ZMAT1: variants seen among roughly 807,000 people sequenced by gnomAD.
The protein encoded by ZMAT1 is zinc finger matrin-type 1.
In ZMAT1, 11 loss-of-function variants were observed where a neutral mutation model predicts 18.5. The observed-to-expected ratio is 0.59, with a 90% CI of 0.37 to 0.98. ZMAT1 has a LOEUF of 0.98. Among genes scored for constraint, ZMAT1 ranks in the 50% least tolerant of loss-of-function variants. The probability of loss-of-function intolerance (pLI) is 0.01; values close to 1 mark genes in which losing one functional copy is unlikely to be tolerated. For synonymous variants in ZMAT1, 211 were observed against 176.4 expected, an observed-to-expected ratio of 1.20 and a Z score of -1.55; for missense variants, 525 against 496.2, an observed-to-expected ratio of 1.06 and a Z score of -0.55.
intron 4 of ZMAT1, among the ~76,000 whole-genome samples, chrX:101,895,539 T>C (rs1927735799): frequency 9.0e-6 from 1 of 111,632 alleles, no homozygotes; most frequent in Non-Finnish European, 1.9e-5. Context: ...AGCTAGTATG[T>C]TTTATAAAAC....
rs1930526356 is a variant in ZMAT1, at chrX:101,931,863, G to A, written c.146C>T (p.Ala49Val). 15 of 797,775 alleles carry A rather than the reference G, an allele frequency of 1.9e-5. No homozygotes were observed. The highest frequency in any genetic ancestry group is 2.2e-5 in the Non-Finnish European group (15 of 671,001). The allele number at this position is 797,775 out of a possible 1,213,427, so 65.7% of individuals were successfully genotyped here. Residue 49 changes from alanine (A) to valine (V), a missense_variant, in exon 1 of 6, where the codon GCC becomes GTC. Physicochemically the swap from Ala to Val is moderately conservative, Grantham distance 64. Transcript: ENST00000651725. ...AAAAAAVIVPASSATSAPACP... is the reference protein window; with the variant it reads ...AAAAAAVIVPVSSATSAPACP... ...GGCAGGGGCGGAGGTGGCGGAGGAGGCAGGAACAATTACTGCCGCCGCCGC... is the reference window on the plus strand; with the variant it reads ...GGCAGGGGCGGAGGTGGCGGAGGAGACAGGAACAATTACTGCCGCCGCCGC...
chrX:101,898,156 G>A lies in ZMAT1; in HGVS notation c.464C>T (p.Pro155Leu), dbSNP rs769324501. 8.3e-7 allele frequency: 1 copy of A among 1,210,712 alleles called. No individual in the cohort carries two copies. Among genetic ancestry groups the A allele is most frequent in the Non-Finnish European group, 1.1e-6 (1 of 895,017 alleles). The change falls in exon 3 of 6, where the codon CCT becomes CTT. Residue 155 changes from proline (P) to leucine (L), a missense_variant. Pro to Leu is a moderately conservative substitution (Grantham distance 98). Coordinates refer to ENST00000651725, the MANE Select transcript of ZMAT1 (RefSeq NM_001394560.1). ...FQMHGEQNEV[P>L]GKKMKMHVEN... ...AACATGCATCTTCATTTTCTTACCA[G>A]GCACTTCATTTTGTTCCCCATGCAT... is the stretch of plus-strand genomic sequence containing the variant.
Position 101,884,207 on chromosome X carries a change from C to A in ZMAT1, c.1391G>T (p.Gly464Val). Residue 464 changes from glycine (G) to valine (V), a missense_variant, in exon 6 of 6, where the codon GGA (glycine) becomes GTA (valine). Physicochemically the swap from Gly to Val is moderately radical, Grantham distance 109. Coordinates refer to ENST00000651725, the MANE Select transcript of ZMAT1 (RefSeq NM_001394560.1). ...EDYIKVQKARGLEPKTCFRKI... is the reference protein window; with the variant it reads ...EDYIKVQKARVLEPKTCFRKI... The stretch of plus-strand genomic sequence containing the variant: ...TCTGAAACAAGTTTTTGGCTCTAGT[C>A]CTCTGGCTTTCTGCACTTTTATGTA... 1 of 1,211,317 alleles carries A rather than the reference C, an allele frequency of 8.3e-7. No homozygotes were observed. The highest frequency in any genetic ancestry group is 1.1e-6 in the Non-Finnish European group (1 of 895,237).
At chrX:101,909,929 T>C (rs924144322) in intron 1 of ZMAT1, among the ~76,000 whole-genome samples, 1 of 111,771 alleles carries the variant, frequency 8.9e-6, no homozygotes, top group African/African-American at 3.3e-5. Context: ...TGAGAAAACA[T>C]AGGCAGTAGT....
chrX:101,895,268 T>C (rs1312647062), intron 4 of ZMAT1, among the ~76,000 whole-genome samples: 2 of 111,157 alleles, frequency 1.8e-5, no homozygotes, highest in Non-Finnish European at 3.8e-5. Context: ...TTAGTAAGAA[T>C]GATATAACCA....
At position 101,886,674 on chromosome X, in the gene ZMAT1, T is replaced by G. The variant is rs1236390096; in HGVS notation, c.734A>C (p.Asp245Ala). The change falls in exon 5 of 6, where the codon GAT becomes GCT. Residue 245 changes from aspartate (D) to alanine (A), a missense_variant. Coordinates refer to ENST00000651725, the MANE Select transcript of ZMAT1 (RefSeq NM_001394560.1). Reference sequence around the variant, plus strand: ...TCCTTGCATGTGGGACCGGAACATATCTAAAGATGTAAAAGCAATACTACA... The same window carrying G: ...TCCTTGCATGTGGGACCGGAACATAGCTAAAGATGTAAAAGCAATACTACA... ...HICSIAFTSL[D>A]MFRSHMQGSE... 8.3e-7 allele frequency: 1 copy of G among 1,206,992 alleles called. No homozygotes were observed. Among genetic ancestry groups the G allele is most frequent in the Admixed American group, 2.2e-5 (1 of 45,395 alleles).
intron 2 of ZMAT1, among the ~76,000 whole-genome samples, chrX:101,899,291 TA>T (rs923829881): frequency 3.6e-5 from 4 of 111,999 alleles, no homozygotes; most frequent in African/African-American, 1.3e-4. Flanking sequence ...GAATTTTATT[TA>T]TTTTTAAAAT....
chrX:101,904,858 T>C (rs1225224482), intron 1 of ZMAT1, among the ~76,000 whole-genome samples: 1 of 111,271 alleles, frequency 9.0e-6, no homozygotes, highest in Non-Finnish European at 1.9e-5. Context: ...GCTGAGATGA[T>C]CACTTGAGCC....
At chrX:101,930,648 T>C (rs1334374950) in intron 1 of ZMAT1, among the ~76,000 whole-genome samples, 2 of 112,300 alleles carry the variant, frequency 1.8e-5, no homozygotes, top group Non-Finnish European at 3.8e-5. Flanking sequence ...GTCCACAATC[T>C]TTCACTTTGG....
chrX:101,929,417 G>GATTATATATATATTCTATATAT (rs1333708989), intron 1 of ZMAT1, among the ~76,000 whole-genome samples: 10 of 36,914 alleles, frequency 2.7e-4, no homozygotes, highest in Non-Finnish European at 5.9e-4. Context: ...TATATATAGA[G>GATTATATATATATTCTATATAT]AGAGATTATA....
intron 1 of ZMAT1, among the ~76,000 whole-genome samples, chrX:101,925,639 GAAATA>G (rs1005260253): frequency 1.8e-5 from 2 of 112,615 alleles, no homozygotes; most frequent in Non-Finnish European, 3.7e-5. Context: ...AATGTTAAAT[GAAATA>G]ATTTTTAAAA....
chrX:101,921,048 T>C (rs2046936733), intron 1 of ZMAT1, among the ~76,000 whole-genome samples: 2 of 111,262 alleles, frequency 1.8e-5, no homozygotes, highest in South Asian at 7.7e-4. Flanking sequence ...GATATATAAA[T>C]GTACATCTTT....
At chrX:101,895,712 G>T in intron 4 of ZMAT1, 1 of 207,788 alleles carries the variant, frequency 4.8e-6, no homozygotes, top group Non-Finnish European at 7.1e-6. Flanking sequence ...GTCATTACTG[G>T]ACTATTAAAG....
intron 4 of ZMAT1, among the ~76,000 whole-genome samples, chrX:101,896,300 A>T (rs1226863396): frequency 8.9e-6 from 1 of 112,063 alleles, no homozygotes; most frequent in African/African-American, 3.2e-5. Flanking sequence ...AAATCTATGC[A>T]GTTGTTTAAG....
At chrX:101,929,915 C>G (rs990012583) in intron 1 of ZMAT1, among the ~76,000 whole-genome samples, 4 of 110,741 alleles carry the variant, frequency 3.6e-5, no homozygotes, top group South Asian at 7.6e-4. Context: ...ATGTCAAAAC[C>G]CAAATCGAGA....
chrX:101,914,165 G>A (rs926566058), intron 1 of ZMAT1, among the ~76,000 whole-genome samples: 11 of 110,421 alleles, frequency 1.0e-4, no homozygotes, highest in Admixed American at 9.6e-4. Flanking sequence ...AACACAACAT[G>A]CCAAAACCTA....
intron 1 of ZMAT1, among the ~76,000 whole-genome samples, chrX:101,913,060 T>C (rs1361910655): frequency 1.8e-5 from 2 of 112,210 alleles, no homozygotes; most frequent in Admixed American, 1.9e-4. Flanking sequence ...TGAGTTTTTA[T>C]TAGTTTTCTT....
chrX:101,930,377 AAG>A (rs1930403247), intron 1 of ZMAT1, among the ~76,000 whole-genome samples: 1 of 112,596 alleles, frequency 8.9e-6, no homozygotes, highest in Admixed American at 9.4e-5. Context: ...TGACTTTAGT[AAG>A]AGAGTTGATA....
At chrX:101,912,328 C>T (rs1312921668) in intron 1 of ZMAT1, among the ~76,000 whole-genome samples, 4 of 111,533 alleles carry the variant, frequency 3.6e-5, no homozygotes, top group South Asian at 3.8e-4. Context: ...CCTTCAGCCT[C>T]GAACACCCAT....
Sources: gnomAD v4.1 joint callset for allele counts (sites outside exome capture counted in the v4.1 genomes callset) on GRCh38, gnomAD v4.1.1 for gene constraint, MANE v1.5 for transcripts, NCBI Gene and HGNC (gene_info 2026-07-23, HGNC 2026-07-21) for gene names.